Variants in CNTN6 observed in about 807,000 individuals in gnomAD.
CNTN6 encodes the protein contactin 6.
In CNTN6, 137 loss-of-function variants were observed where a neutral mutation model predicts 122.8. The observed-to-expected ratio is 1.12, with a 90% CI of 0.97 to 1.29. The LOEUF is 1.29. Among genes scored for constraint, CNTN6 ranks in the 50% most tolerant of loss-of-function variants. The pLI is 0.00. For missense variants in CNTN6, 1,634 were observed against 1,223.4 expected (o/e 1.34, Z -5.01); for synonymous variants, 570 against 426.0 (o/e 1.34, Z -4.16).
intron 2 of CNTN6, among the ~76,000 whole-genome samples, chr3:1,203,829 C>G (rs546978969): frequency 1.3e-5 from 2 of 152,150 alleles, no homozygotes; most frequent in South Asian, 2.1e-4. Flanking sequence ...CCGACTCCCC[C>G]CTATGAGATG....
chr3:1,329,715 C>G, intron 10 of CNTN6, 70 bp from the exon 11 acceptor site: 1 of 1,315,026 alleles, frequency 7.6e-7, no homozygotes, highest in Admixed American at 2.2e-5. Flanking sequence ...TCTAGCATAG[C>G]AAGTCACCCC....
intron 2 of CNTN6, among the ~76,000 whole-genome samples, chr3:1,198,288 A>G (rs926987866): frequency 1.3e-5 from 2 of 152,242 alleles, no homozygotes; most frequent in Admixed American, 1.3e-4. Context: ...GTGAAGAATC[A>G]TAATCATTAT....
At chr3:1,258,637 G>A (rs976455715) in intron 4 of CNTN6, among the ~76,000 whole-genome samples, 7 of 151,998 alleles carry the variant, frequency 4.6e-5, no homozygotes, top group Non-Finnish European at 1.5e-5. Flanking sequence ...TGGGCATCAT[G>A]GCTGTTTAAA....
intron 11 of CNTN6, among the ~76,000 whole-genome samples, chr3:1,345,483 A>G (rs1262671202): frequency 6.6e-6 from 1 of 152,168 alleles, no homozygotes; most frequent in Non-Finnish European, 1.5e-5. Context: ...TTTTGATTTA[A>G]ATGAGCAAAC....
chr3:1,278,535 C>T (rs1052783629), intron 5 of CNTN6, 27 bp downstream of exon 5: 12 of 1,499,754 alleles, frequency 8.0e-6, no homozygotes, highest in Middle Eastern at 1.7e-4. Flanking sequence ...TGGGTCATAT[C>T]ATCAATGCGG....
At chr3:1,366,907 A>C (rs552704011) in intron 12 of CNTN6, among the ~76,000 whole-genome samples, 54 of 152,268 alleles carry the variant, frequency 3.5e-4, no homozygotes, top group African/African-American at 1.2e-3. Context: ...ATGTAGAGCT[A>C]CTTCTTTTCA....
At chr3:1,337,052 T>C (rs114446528) in intron 11 of CNTN6, among the ~76,000 whole-genome samples, 1,530 of 152,254 alleles carry the variant, frequency 0.01, 32 homozygotes, top group African/African-American at 0.035. Flanking sequence ...ATGGGTAAAA[T>C]GGTCCCCTTG....
At position 1,161,188 on chromosome 3, in the gene CNTN6, A is replaced by G. The variant is rs1575072621; in HGVS notation, c.55+13125A>G. On this transcript the variant is annotated intron_variant, in intron 2 of 22. Transcript: ENST00000446702. ...GATGCTGAAAGAGTTTCAGTAATGG[A>G]TATAATTTGTATGACAGTGAGAAAT... 2.8e-5 allele frequency among the ~76,000 whole-genome samples: 4 copies of G among 141,014 alleles called. No individual in the cohort carries two copies. The East Asian group carries it at 8.7e-4, about 31-fold the overall frequency. The allele number at this position is 141,014 out of a possible 152,430, so 92.5% of individuals were successfully genotyped here.
At chr3:1,257,797 A>G (rs1179152650) in intron 4 of CNTN6, among the ~76,000 whole-genome samples, 1 of 152,202 alleles carries the variant, frequency 6.6e-6, no homozygotes, top group Non-Finnish European at 1.5e-5. Context: ...TTTCTCCTCT[A>G]GAGAAAGCCC....
intron 2 of CNTN6, among the ~76,000 whole-genome samples, chr3:1,186,382 A>C (rs2125361798): frequency 6.6e-6 from 1 of 152,156 alleles, no homozygotes; most frequent in South Asian, 2.1e-4. Context: ...ACTCTCTCAT[A>C]ATTACTTATG....
chr3:1,386,299 A>T (rs898371098), intron 20 of CNTN6, among the ~76,000 whole-genome samples: 1 of 152,200 alleles, frequency 6.6e-6, no homozygotes, highest in Non-Finnish European at 1.5e-5. Flanking sequence ...GTATATTCAC[A>T]TGTGATCCTA....
chr3:1,227,804 T>C lies in CNTN6; in HGVS notation c.183-14T>C, dbSNP rs371237940. On this transcript the variant is annotated splice_polypyrimidine_tract_variant and intron_variant, in intron 3 of 22. Transcript: ENST00000446702. ...CTGTATATTATAAGCACTTTATTTT[T>C]TTTTTCCTTGAAGGTGGAAGCAAAA... The C allele has an allele frequency of 4.3e-6, 7 of 1,612,522 alleles. No individual in the cohort carries two copies. The highest frequency in any genetic ancestry group is 5.9e-6 in the Non-Finnish European group (7 of 1,179,334).
intron 4 of CNTN6, among the ~76,000 whole-genome samples, chr3:1,240,289 A>T (rs867084347): frequency 1.3e-5 from 2 of 152,240 alleles, no homozygotes. Flanking sequence ...AATGACTGAT[A>T]TCGAGAATCT....
chr3:1,372,556 C>G (rs1259335846), intron 13 of CNTN6, 82 bp downstream of exon 13: 3 of 1,177,118 alleles, frequency 2.5e-6, no homozygotes, highest in Non-Finnish European at 3.6e-6. Flanking sequence ...GTTACTCTCT[C>G]CATCTTTATT....
intron 16 of CNTN6, among the ~76,000 whole-genome samples, chr3:1,374,842 TAAACTA>T (rs1180258458): frequency 6.6e-6 from 1 of 152,082 alleles, no homozygotes; most frequent in East Asian, 1.9e-4. Context: ...AATCAATCCT[TAAACTA>T]AAGATAATGT....
chr3:1,278,887 T>C (rs1575530383), intron 5 of CNTN6, among the ~76,000 whole-genome samples: 1 of 151,052 alleles, frequency 6.6e-6, no homozygotes, highest in South Asian at 2.1e-4. Flanking sequence ...AGACATTAAC[T>C]GTTTGTTTGT....
At chr3:1,241,989 C>T (rs958789057) in intron 4 of CNTN6, among the ~76,000 whole-genome samples, 1 of 152,192 alleles carries the variant, frequency 6.6e-6, no homozygotes, top group Non-Finnish European at 1.5e-5. Flanking sequence ...GAATTCCGAC[C>T]ATGCTAACCA....
chr3:1,244,126 GC>G (rs2094525950), intron 4 of CNTN6, among the ~76,000 whole-genome samples: 4 of 152,150 alleles, frequency 2.6e-5, no homozygotes, highest in Admixed American at 1.3e-4. Flanking sequence ...TTGTACTGGG[GC>G]CAAGCGGTGT....
intron 2 of CNTN6, among the ~76,000 whole-genome samples, chr3:1,175,454 G>C (rs1245792393): frequency 6.6e-6 from 1 of 152,058 alleles, no homozygotes; most frequent in Non-Finnish European, 1.5e-5. Context: ...GTCTACTCAA[G>C]GCTAACAGCA....
Sources: allele counts gnomAD v4.1 joint callset (sites outside exome capture counted in the v4.1 genomes callset), GRCh38; gene constraint gnomAD v4.1.1; transcripts MANE v1.5; gene names NCBI Gene and HGNC (gene_info 2026-07-23, HGNC 2026-07-21).